The following PDLIM5 variants were observed in gnomAD, a reference collection of about 807,000 sequenced individuals.
PDLIM5 encodes PDZ and LIM domain protein 5.
A neutral mutation model predicts 64.2 loss-of-function variants in PDLIM5; 34 were observed. That is an observed-to-expected ratio of 0.53 (90% CI 0.40 to 0.71). The LOEUF is 0.71. Ranked by LOEUF, PDLIM5 falls within the 30% of genes least tolerant of loss-of-function variation. The probability of loss-of-function intolerance (pLI) is 0.00; values close to 1 mark genes in which losing one functional copy is unlikely to be tolerated. For missense variants in PDLIM5, 683 were observed against 733.6 expected (o/e 0.93, Z 0.80); for synonymous variants, 253 against 269.1 (o/e 0.94, Z 0.59).
At chr4:94,663,920 G>A in intron 12 of PDLIM5, 58 bp from the exon 13 acceptor site, 1 of 1,542,982 alleles carries the variant, frequency 6.5e-7, no homozygotes, top group Non-Finnish European at 8.8e-7. Flanking sequence ...AGCATACTGG[G>A]TAAAATCCTC....
intron 2 of PDLIM5, chr4:94,456,823 A>G: frequency 5.2e-6 from 6 of 1,147,808 alleles, no homozygotes; most frequent in Non-Finnish European, 6.5e-6. Flanking sequence ...ACAAACTTGG[A>G]TATTTATCAA....
Position 94,503,199 on chromosome 4 carries a change from A to G in PDLIM5, c.97-20525A>G, listed in dbSNP as rs192257050. 7.9e-5 allele frequency among the ~76,000 whole-genome samples: 12 copies of G among 152,316 alleles called. No individual in the cohort carries two copies. In the East Asian group the frequency reaches 2.3e-3, roughly 29 times the overall value. On this transcript the variant is annotated intron_variant, in intron 2 of 12. Coordinates refer to ENST00000317968, the MANE Select transcript of PDLIM5 (RefSeq NM_006457.5). ...CAGAGGCATAGAAAGGTAAATTATT[A>G]GGGTGGCAAGCAAATTACTTTATAT...
intron 2 of PDLIM5, among the ~76,000 whole-genome samples, chr4:94,462,913 A>G (rs893447561): frequency 2.6e-5 from 4 of 152,136 alleles, no homozygotes; most frequent in African/African-American, 4.8e-5. Context: ...CTGTGTTTTC[A>G]AGTGGTTTGT....
Position 94,568,400 on chromosome 4 carries a change from T to C in PDLIM5, c.249-4951T>C, listed in dbSNP as rs111499534. ...TGGGACATATAGAATAGATTGTTTA[T>C]AGAAACCCTTTATTGAAATGGTATT... On this transcript the variant is annotated intron_variant, in intron 3 of 12. Transcript: ENST00000317968. Among the ~76,000 whole-genome samples, 407 of 143,354 alleles carry C rather than the reference T, an allele frequency of 2.8e-3. 3 individuals carry two copies. Among genetic ancestry groups the C allele is most frequent in the African/African-American group, 0.01 (385 of 37,442 alleles). The allele number at this position is 143,354 out of a possible 152,430, so 94.0% of individuals were successfully genotyped here. A position where few individuals can be genotyped will look rare whatever the true frequency, so the allele number is the denominator to read the frequency against.
intron 3 of PDLIM5, among the ~76,000 whole-genome samples, chr4:94,568,628 G>C (rs1243922476): frequency 6.7e-6 from 1 of 150,170 alleles, no homozygotes; most frequent in Non-Finnish European, 1.5e-5. Context: ...AGGCACAATG[G>C]GCAAATAATT....
intron 2 of PDLIM5, among the ~76,000 whole-genome samples, chr4:94,501,229 T>A (rs1727891116): frequency 6.6e-6 from 1 of 152,100 alleles, no homozygotes; most frequent in Admixed American, 6.6e-5. Context: ...TGTGCCACTA[T>A]GCCTGGCTAA....
intron 7 of PDLIM5, among the ~76,000 whole-genome samples, chr4:94,599,303 T>C (rs1451153497): frequency 1.3e-5 from 2 of 152,102 alleles, no homozygotes; most frequent in Admixed American, 6.6e-5. Context: ...GACAAAGAGC[T>C]GATAGGTGTA....
At chr4:94,621,980 C>T (rs1739273037) in intron 8 of PDLIM5, among the ~76,000 whole-genome samples, 1 of 152,108 alleles carries the variant, frequency 6.6e-6, no homozygotes, top group East Asian at 1.9e-4. Context: ...TTACTGAGTT[C>T]TTATTTATCT....
intron 2 of PDLIM5, among the ~76,000 whole-genome samples, chr4:94,462,086 G>A (rs536035207): frequency 2.1e-4 from 32 of 152,076 alleles, no homozygotes; most frequent in Non-Finnish European, 3.1e-4. Context: ...GTCTGGTCTC[G>A]AACTCCTGAC....
intron 3 of PDLIM5, among the ~76,000 whole-genome samples, chr4:94,571,738 A>G (rs773970189): frequency 2.0e-5 from 3 of 152,214 alleles, no homozygotes; most frequent in Non-Finnish European, 4.4e-5. Flanking sequence ...GATGCTCAAT[A>G]TTTGTCGAAA....
chr4:94,471,323 A>C (rs963091827), intron 2 of PDLIM5, among the ~76,000 whole-genome samples: 9 of 152,136 alleles, frequency 5.9e-5, no homozygotes, highest in Non-Finnish European at 1.5e-5. Context: ...AGTCTACTTG[A>C]GAGATAGTTT....
chr4:94,536,213 G>A (rs1731306731), intron 3 of PDLIM5, among the ~76,000 whole-genome samples: 1 of 152,046 alleles, frequency 6.6e-6, no homozygotes, highest in African/African-American at 2.4e-5. Context: ...AGGAGAGACA[G>A]CATGAGGGTG....
At chr4:94,644,437 G>A (rs573405172) in intron 9 of PDLIM5, among the ~76,000 whole-genome samples, 30 of 152,062 alleles carry the variant, frequency 2.0e-4, no homozygotes, top group African/African-American at 7.2e-4. Flanking sequence ...CCAATTTTAT[G>A]TAAAGAAACT....
At chr4:94,582,721 C>T (rs751728050) in intron 5 of PDLIM5, 11 of 1,578,042 alleles carry the variant, frequency 7.0e-6, no homozygotes, top group Admixed American at 3.4e-5. Context: ...CCTCAGTAAC[C>T]CTGGCACTGT....
At chr4:94,581,758 TAC>T (rs548397110) in intron 5 of PDLIM5, among the ~76,000 whole-genome samples, 298 of 152,312 alleles carry the variant, frequency 2.0e-3, no homozygotes, top group African/African-American at 6.8e-3. Context: ...TGGCAAACTA[TAC>T]AGTTTATACT....
Position 94,477,084 on chromosome 4 carries a change from A to C in PDLIM5, c.96+21700A>C, listed in dbSNP as rs77875256. On this transcript the variant is annotated intron_variant, in intron 2 of 12. Coordinates refer to ENST00000317968, the MANE Select transcript of PDLIM5 (RefSeq NM_006457.5). ...CCCCTTCCCAGCTTCTATGTCTTCA[A>C]AAGTTTGTGCATGGTATTGTTTTGT... 9.3e-3 allele frequency among the ~76,000 whole-genome samples: 1,414 copies of C among 152,290 alleles called. 5 individuals carry two copies. The highest frequency in any genetic ancestry group is 0.015 in the Non-Finnish European group (1,034 of 68,016).
intron 7 of PDLIM5, chr4:94,611,302 G>C (rs28492872): frequency 0.051 from 50,774 of 990,224 alleles, 2,083 homozygotes; most frequent in African/African-American, 0.19. Context: ...GAACATGCTA[G>C]AGTTCTAGGG....
intron 3 of PDLIM5, among the ~76,000 whole-genome samples, chr4:94,558,445 G>A (rs1733550987): frequency 6.6e-6 from 1 of 152,072 alleles, no homozygotes; most frequent in Admixed American, 6.6e-5. Flanking sequence ...TGGTAGAATG[G>A]GCAATAAAAT....
Position 94,606,571 on chromosome 4 carries a change from A to G in PDLIM5, c.921-11433A>G, listed in dbSNP as rs60345941. ...AAGCCAAAGAGAGTGGACAAGCTTCATGACATAATGCTGAAGAACAGGTAG... is the reference window on the plus strand; with the variant it reads ...AAGCCAAAGAGAGTGGACAAGCTTCGTGACATAATGCTGAAGAACAGGTAG... On this transcript the variant is annotated intron_variant, in intron 7 of 12. Coordinates refer to ENST00000317968, the MANE Select transcript of PDLIM5 (RefSeq NM_006457.5). Among the ~76,000 whole-genome samples the G allele has an allele frequency of 7.3e-3, 1,115 of 152,354 alleles. 16 individuals carry two copies. Among genetic ancestry groups the G allele is most frequent in the African/African-American group, 0.025 (1,038 of 41,596 alleles).
Sources: gnomAD v4.1 joint callset for allele counts (sites outside exome capture counted in the v4.1 genomes callset) on GRCh38, gnomAD v4.1.1 for gene constraint, MANE v1.5 for transcripts, NCBI Gene and HGNC (gene_info 2026-07-23, HGNC 2026-07-21) for gene names.